The following NAPEPLD variants were observed in gnomAD, a reference collection of about 807,000 sequenced individuals.
NAPEPLD encodes the protein N-acyl-phosphatidylethanolamine-hydrolyzing phospholipase D.
A neutral mutation model predicts 38.1 loss-of-function variants in NAPEPLD; 23 were observed. The ratio of observed to expected loss-of-function variants is 0.60; its 90% CI spans 0.43 to 0.86. NAPEPLD has a LOEUF of 0.86. Among genes scored for constraint, NAPEPLD ranks in the 40% least tolerant of loss-of-function variants. The pLI, the probability that NAPEPLD is intolerant of heterozygous loss-of-function variation, is 0.00. For synonymous variants in NAPEPLD, 147 were observed against 162.0 expected (o/e 0.91, Z 0.71); for missense variants, 411 against 476.8 (o/e 0.86, Z 1.28).
At position 103,100,246 on chromosome 7, in the gene NAPEPLD, A is replaced by C. The variant is rs1373301758; in HGVS notation, c.*3183T>G. 1 of 152,216 alleles carries C rather than the reference A, an allele frequency of 6.6e-6. No individual in the cohort carries two copies. Among genetic ancestry groups the C allele is most frequent in the Non-Finnish European group, 1.5e-5 (1 of 68,036 alleles). 9.4% of individuals were successfully genotyped at this position (152,216 alleles called of 1,614,324 possible). A position where few individuals can be genotyped will look rare whatever the true frequency, so the allele number is the denominator to read the frequency against. Reference sequence around the variant, plus strand: ...ACATTTCTTTATAACGGTTTTTTCAAATCTACCTCCCTATTTAATGAAAGC... The same window carrying C: ...ACATTTCTTTATAACGGTTTTTTCACATCTACCTCCCTATTTAATGAAAGC... On this transcript the variant is annotated 3_prime_UTR_variant, in exon 5 of 5. Transcript: ENST00000465647.
chr7:103,144,599 T>C (rs369094472), intron 1 of NAPEPLD, among the ~76,000 whole-genome samples: 3 of 151,918 alleles, frequency 2.0e-5, no homozygotes, highest in African/African-American at 7.3e-5. Context: ...CCACCTAACA[T>C]GTTATCTTTC....
At chr7:103,146,724 A>C (rs1475011818) in intron 1 of NAPEPLD, among the ~76,000 whole-genome samples, 1 of 152,152 alleles carries the variant, frequency 6.6e-6, no homozygotes, top group African/African-American at 2.4e-5. Context: ...GTTGCTGACC[A>C]ACGCTTGCTA....
intron 1 of NAPEPLD, chr7:103,148,203 G>T: frequency 1.5e-6 from 1 of 660,780 alleles, no homozygotes; most frequent in Non-Finnish European, 1.9e-6. Flanking sequence ...TGACTTCCTG[G>T]ACAAATTAAT....
intron 1 of NAPEPLD, among the ~76,000 whole-genome samples, chr7:103,147,262 T>C (rs967114504): frequency 9.9e-5 from 15 of 152,266 alleles, no homozygotes; most frequent in Non-Finnish European, 2.9e-5. Flanking sequence ...GTTTTATGCA[T>C]GCCCTCACTG....
At chr7:103,146,231 A>G (rs545577277) in intron 1 of NAPEPLD, among the ~76,000 whole-genome samples, 2 of 152,164 alleles carry the variant, frequency 1.3e-5, no homozygotes, top group South Asian at 4.1e-4. Flanking sequence ...TGTAATTCCA[A>G]CTTCTCAGGA....
chr7:103,115,147 G>T lies in NAPEPLD; in HGVS notation c.969C>A (p.Asp323Glu). Residue 323 changes from aspartate (D) to glutamate (E), a missense_variant, in exon 4 of 5, where the codon GAC becomes GAA. Transcript: ENST00000465647. ...PRWFMKYQHVDPEEAVRIHTD... is the reference protein window; with the variant it reads ...PRWFMKYQHVEPEEAVRIHTD... ...TGTGAATCCTTACAGCTTCTTCTGG[G>T]TCTACATGCTGGTATTTCATAAACC... The T allele has an allele frequency of 6.2e-7, 1 of 1,613,728 alleles. No homozygotes were observed. Among genetic ancestry groups the T allele is most frequent in the South Asian group, 1.1e-5 (1 of 90,968 alleles).
At chr7:103,123,647 G>A (rs138136849) in intron 2 of NAPEPLD, among the ~76,000 whole-genome samples, 1 of 152,144 alleles carries the variant, frequency 6.6e-6, no homozygotes, top group African/African-American at 2.4e-5. Context: ...TACTGGCTAC[G>A]ACCACAACAC....
chr7:103,119,493 T>G, intron 3 of NAPEPLD, 84 bp downstream of exon 3: 1 of 1,443,880 alleles, frequency 6.9e-7, no homozygotes, highest in Admixed American at 2.3e-5. Flanking sequence ...TAAATTACAG[T>G]GTCACAAAAA....
intron 1 of NAPEPLD, among the ~76,000 whole-genome samples, chr7:103,134,674 A>G (rs570761481): frequency 3.9e-5 from 6 of 152,286 alleles, no homozygotes; most frequent in South Asian, 4.1e-4. Flanking sequence ...AATAAAACAA[A>G]TGTTCTTTTT....
At position 103,147,731 on chromosome 7, in the gene NAPEPLD, CAT is replaced by C. The variant is rs1812864567; in HGVS notation, c.-17+1078_-17+1079del. Among the ~76,000 whole-genome samples the C allele has an allele frequency of 1.3e-5, 2 of 152,138 alleles. 1 individual carries two copies. Among genetic ancestry groups the C allele is most frequent in the South Asian group, 4.1e-4 (2 of 4,834 alleles). On this transcript the variant is annotated intron_variant, in intron 1 of 4. Coordinates refer to ENST00000465647, the MANE Select transcript of NAPEPLD (RefSeq NM_001122838.3). ...TAATTTTAAAATTAGAATTTTGTAACATAGAATTTCTACAATATAATTTGGAA... is the reference window on the plus strand; with the variant it reads ...TAATTTTAAAATTAGAATTTTGTAACAGAATTTCTACAATATAATTTGGAA...
At chr7:103,135,464 G>C (rs1428291051) in intron 1 of NAPEPLD, among the ~76,000 whole-genome samples, 2 of 152,128 alleles carry the variant, frequency 1.3e-5, no homozygotes, top group Non-Finnish European at 2.9e-5. Flanking sequence ...CCAAGCACAG[G>C]AAGTACACTG....
At chr7:103,111,360 T>C (rs564113625) in intron 4 of NAPEPLD, among the ~76,000 whole-genome samples, 128 of 152,258 alleles carry the variant, frequency 8.4e-4, no homozygotes, top group African/African-American at 2.8e-3. Context: ...CTTCAAGCTA[T>C]ACTACAAGGT....
rs1396712670 is a variant in NAPEPLD, at chr7:103,102,486, C to T, written c.*943G>A. ...AAGTACCTGTGACTACAGGTACACA[C>T]CACCTCACCCGGCTTTTTCTTTTTT... On this transcript the variant is annotated 3_prime_UTR_variant, in exon 5 of 5. Coordinates refer to ENST00000465647, the MANE Select transcript of NAPEPLD (RefSeq NM_001122838.3). 3 of 152,320 alleles carry T rather than the reference C, an allele frequency of 2.0e-5. No homozygotes were observed. Among genetic ancestry groups the T allele is most frequent in the Middle Eastern group, 3.4e-3 (1 of 294 alleles). The allele number at this position is 152,320 out of a possible 1,614,324, so 9.4% of individuals were successfully genotyped here. A position where few individuals can be genotyped will look rare whatever the true frequency, so the allele number is the denominator to read the frequency against.
chr7:103,103,625 TC>T lies in NAPEPLD; in HGVS notation c.1057-72del. On this transcript the variant is annotated intron_variant, in intron 4 of 4. Transcript: ENST00000465647. ...TTTGGGAGATTTTCCAAATAACAGTTCAAACTAAAATAACCAACAGATGCCT... is the reference window on the plus strand; with the variant it reads ...TTTGGGAGATTTTCCAAATAACAGTTAAACTAAAATAACCAACAGATGCCT... The T allele has an allele frequency of 5.4e-6, 8 of 1,493,104 alleles. No individual in the cohort carries two copies. In the South Asian group the frequency reaches 1.1e-4, roughly 20 times the overall value. 92.5% of individuals were successfully genotyped at this position (1,493,104 alleles called of 1,614,324 possible).
upstream of NAPEPLD, chr7:103,149,560 C>A (rs1490782998): frequency 1.3e-5 from 15 of 1,153,016 alleles, no homozygotes; most frequent in Non-Finnish European, 1.7e-5. Context: ...TGGCCTCCTT[C>A]AGGCTGCCTC....
chr7:103,141,633 G>A (rs796526582), intron 1 of NAPEPLD: 1 of 899,320 alleles, frequency 1.1e-6, no homozygotes, highest in Non-Finnish European at 1.9e-6. Flanking sequence ...AGCAGCCGGT[G>A]CAGAATCCTC....
At chr7:103,117,378 T>A (rs891425439) in intron 3 of NAPEPLD, among the ~76,000 whole-genome samples, 2 of 152,226 alleles carry the variant, frequency 1.3e-5, no homozygotes, top group Non-Finnish European at 2.9e-5. Flanking sequence ...TGATTTTTTT[T>A]AAATCCTAGT....
In NAPEPLD at chr7:103,141,658, C is replaced by A. The variant is rs552453373; in HGVS notation, c.-17+7153G>T. 1.1e-4 allele frequency: 97 copies of A among 913,034 alleles called. No individual in the cohort carries two copies. In the African/African-American group the frequency reaches 1.4e-3, roughly 13 times the overall value. 56.6% of individuals were successfully genotyped at this position (913,034 alleles called of 1,614,324 possible). The stretch of plus-strand genomic sequence containing the variant: ...GCAGAATCCTCATTCTCCTCATCCA[C>A]GTGACCTTCTCTGGCATTCGGGCAT... On this transcript the variant is annotated intron_variant, in intron 1 of 4. Transcript: ENST00000465647.
chr7:103,103,711 C>T (rs1321730248), intron 4 of NAPEPLD, among the ~76,000 whole-genome samples, 157 bp from the exon 5 acceptor site: 3 of 152,198 alleles, frequency 2.0e-5, no homozygotes, highest in African/African-American at 7.2e-5. Context: ...ATCACATTTT[C>T]TAATACAGTT....
Sources: allele counts gnomAD v4.1 joint callset (sites outside exome capture counted in the v4.1 genomes callset), GRCh38; gene constraint gnomAD v4.1.1; transcripts MANE v1.5; gene names NCBI Gene and HGNC (gene_info 2026-07-23, HGNC 2026-07-21).